Variants in MED13 observed in about 807,000 individuals in gnomAD.
The protein encoded by MED13 is mediator of RNA polymerase II transcription subunit 13.
MED13 carries 23 observed loss-of-function variants against 225.2 expected under a neutral mutation model. The observed-to-expected ratio is 0.10, with a 90% CI of 0.07 to 0.14. The LOEUF is 0.14. Among genes scored for constraint, MED13 ranks in the 10% least tolerant of loss-of-function variants. The pLI, the probability that MED13 is intolerant of heterozygous loss-of-function variation, is 1.00. For synonymous variants in MED13, 942 were observed against 889.2 expected, an observed-to-expected ratio of 1.06 and a Z score of -1.06; for missense variants, 2,197 against 2,594.5, an observed-to-expected ratio of 0.85 and a Z score of 3.33.
At position 62,010,755 on chromosome 17, in the gene MED13, G is replaced by C; in HGVS notation, c.1762C>G (p.Pro588Ala). ...GGTTCTACAGCTTCCTGATATTGAGGTGGGAAAGACTGGGACAAACTGTCT... is the reference window on the plus strand; with the variant it reads ...GGTTCTACAGCTTCCTGATATTGAGCTGGGAAAGACTGGGACAAACTGTCT... ...RIDSLSQSFP[P>A]QYQEAVEPTV... Residue 588 changes from proline (P) to alanine (A), a missense_variant, in exon 9 of 30, where the codon CCT becomes GCT. By Grantham distance (27) the Pro-to-Ala change is conservative. Coordinates refer to ENST00000397786, the MANE Select transcript of MED13 (RefSeq NM_005121.3). The C allele has an allele frequency of 6.2e-7, 1 of 1,614,050 alleles. No homozygotes were observed. The highest frequency in any genetic ancestry group is 8.5e-7 in the Non-Finnish European group (1 of 1,179,938).
intron 26 of MED13, among the ~76,000 whole-genome samples, chr17:61,954,717 C>G (rs1226778950): frequency 6.6e-6 from 1 of 152,104 alleles, no homozygotes; most frequent in Admixed American, 6.6e-5. Context: ...GTGAAGGCTA[C>G]AGTAGGCTGA....
At chr17:62,059,909 G>T (rs2081024951) in intron 2 of MED13, among the ~76,000 whole-genome samples, 3 of 152,030 alleles carry the variant, frequency 2.0e-5, no homozygotes, top group African/African-American at 7.3e-5. Context: ...AACAGTACAG[G>T]ACAAGCTTTG....
rs904863684 is a variant in MED13 at position 61,946,236 on chromosome 17, A to C, written c.*232T>G. 1 of 394,644 alleles carries C rather than the reference A, an allele frequency of 2.5e-6. No individual in the cohort carries two copies. Among genetic ancestry groups the C allele is most frequent in the Non-Finnish European group, 4.4e-6 (1 of 226,962 alleles). 24.4% of individuals were successfully genotyped at this position (394,644 alleles called of 1,614,324 possible). ...AAAAAAGGTTAATTTTGCTACGAAA[A>C]TGTTATAATACGTTTTGTATGATCA... On this transcript the variant is annotated 3_prime_UTR_variant, in exon 30 of 30. Transcript: ENST00000397786.
chr17:61,958,684 G>C (rs2079971372), intron 23 of MED13, among the ~76,000 whole-genome samples: 1 of 151,908 alleles, frequency 6.6e-6, no homozygotes, highest in Non-Finnish European at 1.5e-5. Flanking sequence ...TGTTGGCCAG[G>C]CTGGTCTCAA....
In MED13 at chr17:61,992,668, C is replaced by T. The variant is rs781027209; in HGVS notation, c.2182-47G>A. The T allele has an allele frequency of 4.5e-6, 6 of 1,338,834 alleles. No homozygotes were observed. The Admixed American group carries it at 6.9e-5, about 15-fold the overall frequency. 82.9% of individuals were successfully genotyped at this position (1,338,834 alleles called of 1,614,324 possible). On this transcript the variant is annotated intron_variant, in intron 10 of 29. Coordinates refer to ENST00000397786, the MANE Select transcript of MED13 (RefSeq NM_005121.3). ...TAGGCTGAAATATATAATTTACCAA[C>T]AATAAAATCTACCAATTATTGAGGA...
chr17:62,036,541 GT>G (rs1395250776), intron 3 of MED13, among the ~76,000 whole-genome samples: 1 of 152,254 alleles, frequency 6.6e-6, no homozygotes, highest in East Asian at 1.9e-4. Flanking sequence ...ATCCTTAAAA[GT>G]TTTTTAAACT....
chr17:61,992,459 A>G, intron 11 of MED13, 81 bp downstream of exon 11: 1 of 817,056 alleles, frequency 1.2e-6, no homozygotes. Flanking sequence ...AAAAAGGAAC[A>G]TTAGAAGTCC....
At chr17:61,992,097 A>C (rs1033944249) in intron 11 of MED13, among the ~76,000 whole-genome samples, 3 of 152,218 alleles carry the variant, frequency 2.0e-5, no homozygotes, top group Admixed American at 6.5e-5. Context: ...ACTGTCAACC[A>C]ACTGGACATC....
At chr17:61,985,131 C>G (rs748744866) in intron 12 of MED13, 41 bp from the exon 13 acceptor site, 7 of 1,487,492 alleles carry the variant, frequency 4.7e-6, no homozygotes, top group Non-Finnish European at 6.5e-6. Flanking sequence ...ATTTTACATC[C>G]AATGTGATCT....
At chr17:62,031,402 A>G (rs775107931) in intron 6 of MED13, 42 bp downstream of exon 6, 1 of 1,450,682 alleles carries the variant, frequency 6.9e-7, no homozygotes, top group Admixed American at 2.4e-5. Context: ...TGTACACAAA[A>G]TAACAAATTA....
At chr17:62,051,610 T>C (rs1161469154) in intron 3 of MED13, among the ~76,000 whole-genome samples, 1 of 151,434 alleles carries the variant, frequency 6.6e-6, no homozygotes, top group Non-Finnish European at 1.5e-5. Context: ...ACTCATCCAG[T>C]CTTACTAAAA....
chr17:62,013,494 T>C (rs1052900520), intron 8 of MED13, among the ~76,000 whole-genome samples: 45 of 151,400 alleles, frequency 3.0e-4, no homozygotes, highest in Admixed American at 2.7e-3. Context: ...CCCCTATTTA[T>C]ATACACTCGG....
At chr17:61,998,690 C>A (rs1212172771) in intron 9 of MED13, among the ~76,000 whole-genome samples, 2 of 150,858 alleles carry the variant, frequency 1.3e-5, no homozygotes, top group Non-Finnish European at 2.9e-5. Context: ...ACCTCCACCT[C>A]CAGAGTTCAA....
intron 11 of MED13, among the ~76,000 whole-genome samples, chr17:61,990,698 A>G (rs1567963354): frequency 1.3e-5 from 2 of 150,328 alleles, no homozygotes; most frequent in East Asian, 1.9e-4. Context: ...AATATATATA[A>G]TTTTTACTTG....
At chr17:62,054,745 C>A (rs9893675) in intron 2 of MED13, among the ~76,000 whole-genome samples, 3,139 of 152,232 alleles carry the variant, frequency 0.021, 106 homozygotes, top group African/African-American at 0.071. Context: ...TATACATGTT[C>A]TTAATTCCAA....
chr17:61,984,444 C>A (rs1352279098), intron 14 of MED13, 77 bp from the exon 15 acceptor site: 2 of 1,122,720 alleles, frequency 1.8e-6, no homozygotes, highest in African/African-American at 1.6e-5. Context: ...AGGCTCTGGA[C>A]CTTTTTTCCT....
chr17:61,959,933 C>T (rs2079984069), intron 23 of MED13, among the ~76,000 whole-genome samples: 1 of 151,730 alleles, frequency 6.6e-6, no homozygotes, highest in Non-Finnish European at 1.5e-5. Flanking sequence ...GCCATGTTGC[C>T]CAGGCTGGTC....
Position 61,963,010 on chromosome 17 carries a change from G to A in MED13, c.4845-39C>T, listed in dbSNP as rs113447827. 105 of 1,573,630 alleles carry A rather than the reference G, an allele frequency of 6.7e-5. No homozygotes were observed. The African/African-American group carries it at 1.1e-3, about 17-fold the overall frequency. ...TAGAAATGAGACAAAAAGTTGTACT[G>A]TATATGCTTGGGGTAGCATCTAAGC... On this transcript the variant is annotated intron_variant, in intron 20 of 29. Coordinates refer to ENST00000397786, the MANE Select transcript of MED13 (RefSeq NM_005121.3).
At chr17:61,995,800 T>C (rs970521601) in intron 9 of MED13, among the ~76,000 whole-genome samples, 2 of 152,174 alleles carry the variant, frequency 1.3e-5, no homozygotes, top group African/African-American at 4.8e-5. Flanking sequence ...AAAGTGATTA[T>C]GTATTTTTTT....
Sources: gnomAD v4.1 joint callset for allele counts (sites outside exome capture counted in the v4.1 genomes callset) on GRCh38, gnomAD v4.1.1 for gene constraint, MANE v1.5 for transcripts, NCBI Gene and HGNC (gene_info 2026-07-23, HGNC 2026-07-21) for gene names.